Variants in EYS observed in about 807,000 individuals in gnomAD.
The protein encoded by EYS is protein eyes shut homolog.
In EYS, 250 loss-of-function variants were observed where a neutral mutation model predicts 282.1. The observed-to-expected ratio is 0.89, with a 90% CI of 0.80 to 0.98. The LOEUF (loss-of-function observed/expected upper bound fraction) is 0.98, where lower values mean the gene tolerates loss of function less well. EYS is among the 50% of genes least tolerant of loss of function. EYS has a pLI of 0.00. For missense variants in EYS, 4,016 were observed against 3,709.0 expected (o/e 1.08, Z -2.15); for synonymous variants, 1,355 against 1,282.9 (o/e 1.06, Z -1.20).
intron 14 of EYS, among the ~76,000 whole-genome samples, chr6:64,961,639 T>G (rs1026576207): frequency 6.6e-6 from 1 of 152,126 alleles, no homozygotes; most frequent in Non-Finnish European, 1.5e-5. Flanking sequence ...ATCAGTACAA[T>G]GGAATAAGTC....
chr6:65,181,519 C>T (rs1440734984), intron 12 of EYS, among the ~76,000 whole-genome samples: 2 of 152,246 alleles, frequency 1.3e-5, no homozygotes, highest in East Asian at 3.9e-4. Flanking sequence ...TATCATCTCA[C>T]ACCAGTTAGA....
chr6:65,289,509 C>T (rs1180001824), intron 12 of EYS, among the ~76,000 whole-genome samples: 2 of 151,024 alleles, frequency 1.3e-5, no homozygotes, highest in African/African-American at 4.8e-5. Context: ...CAAAATACTG[C>T]TTTCGGAAAA....
At chr6:65,243,732 C>T (rs1164751740) in intron 12 of EYS, among the ~76,000 whole-genome samples, 1 of 151,920 alleles carries the variant, frequency 6.6e-6, no homozygotes. Context: ...AGCGAGACCC[C>T]CATTTCTACA....
intron 1 of EYS, among the ~76,000 whole-genome samples, chr6:65,640,548 T>G (rs930310613): frequency 1.3e-5 from 2 of 152,162 alleles, no homozygotes; most frequent in Admixed American, 1.3e-4. Flanking sequence ...TCATCTTCAT[T>G]CTTGAAGGGT....
chr6:64,841,574 T>C (rs1309833883), intron 19 of EYS, among the ~76,000 whole-genome samples: 3 of 152,148 alleles, frequency 2.0e-5, no homozygotes, highest in Admixed American at 2.0e-4. Flanking sequence ...TGTAAGTATC[T>C]AAATTTCCCA....
chr6:64,777,128 C>T (rs1278556510), intron 22 of EYS, among the ~76,000 whole-genome samples: 1 of 152,118 alleles, frequency 6.6e-6, no homozygotes, highest in East Asian at 1.9e-4. Flanking sequence ...TGGGGGGAAC[C>T]CCCATGATTC....
chr6:65,267,019 G>A (rs960425876), intron 12 of EYS, among the ~76,000 whole-genome samples: 1 of 145,698 alleles, frequency 6.9e-6, no homozygotes, highest in Non-Finnish European at 1.5e-5. Flanking sequence ...GATCACACAT[G>A]TAAAAAATTT....
chr6:64,388,296 G>A (rs1772978716), intron 29 of EYS, among the ~76,000 whole-genome samples: 1 of 152,180 alleles, frequency 6.6e-6, no homozygotes, highest in Non-Finnish European at 1.5e-5. Context: ...ACACAGACTG[G>A]GGATGGTCTT....
chr6:63,905,167 T>G (rs1269513510), intron 35 of EYS, among the ~76,000 whole-genome samples: 1 of 152,210 alleles, frequency 6.6e-6, no homozygotes, highest in Non-Finnish European at 1.5e-5. Flanking sequence ...CTTTTGTGTC[T>G]GTGTCTGGCT....
At chr6:64,840,280 C>A (rs1264760905) in intron 19 of EYS, among the ~76,000 whole-genome samples, 3 of 151,952 alleles carry the variant, frequency 2.0e-5, no homozygotes, top group African/African-American at 7.2e-5. Flanking sequence ...GTAAAGATAA[C>A]TGGTGCCTCA....
At chr6:64,851,698 C>G (rs994445997) in intron 19 of EYS, among the ~76,000 whole-genome samples, 1 of 152,028 alleles carries the variant, frequency 6.6e-6, no homozygotes, top group Admixed American at 6.6e-5. Context: ...AACACAGAAA[C>G]AGAAACCAAA....
chr6:64,834,832 A>G (rs1765333688), intron 19 of EYS, among the ~76,000 whole-genome samples: 1 of 151,806 alleles, frequency 6.6e-6, no homozygotes, highest in African/African-American at 2.4e-5. Flanking sequence ...CACAATTCTT[A>G]GTTGTTAATT....
chr6:64,344,939 C>G (rs554346919), intron 29 of EYS, among the ~76,000 whole-genome samples: 1 of 152,106 alleles, frequency 6.6e-6, no homozygotes, highest in Non-Finnish European at 1.5e-5. Flanking sequence ...TGAGTGAACT[C>G]CCATTCATAA....
chr6:64,587,079 G>A (rs369543940), intron 26 of EYS, among the ~76,000 whole-genome samples: 2 of 152,144 alleles, frequency 1.3e-5, no homozygotes, highest in East Asian at 3.9e-4. Flanking sequence ...GTAATACAGG[G>A]CTAGCAATCA....
At chr6:64,084,273 T>G (rs1389319842) in intron 31 of EYS, among the ~76,000 whole-genome samples, 1 of 152,206 alleles carries the variant, frequency 6.6e-6, no homozygotes, top group Admixed American at 6.5e-5. Flanking sequence ...CTTGCTCTGA[T>G]TTTTCAAACT....
At chr6:64,890,053 C>CCG (rs922247484) in intron 18 of EYS, among the ~76,000 whole-genome samples, 1 of 149,648 alleles carries the variant, frequency 6.7e-6, no homozygotes, top group African/African-American at 2.5e-5. Flanking sequence ...ATGCCCCCCC[C>CCG]CCCCAAGGTG....
At chr6:64,894,294 A>G (rs945058626) in intron 18 of EYS, among the ~76,000 whole-genome samples, 12 of 152,102 alleles carry the variant, frequency 7.9e-5, no homozygotes, top group Admixed American at 6.6e-5. Context: ...GTTAATTACA[A>G]TAGATCTAAG....
intron 22 of EYS, chr6:64,733,183 T>C (rs927561401): frequency 2.0e-5 from 3 of 152,276 alleles, no homozygotes; most frequent in African/African-American, 7.2e-5. Flanking sequence ...GACTAGCTGC[T>C]GGCCTACAGG....
At chr6:65,486,221 A>G (rs934260765) in intron 5 of EYS, among the ~76,000 whole-genome samples, 2 of 152,234 alleles carry the variant, frequency 1.3e-5, no homozygotes, top group African/African-American at 4.8e-5. Context: ...AATAATTTTA[A>G]ATACTTATAG....
Sources: allele counts gnomAD v4.1 joint callset (sites outside exome capture counted in the v4.1 genomes callset), GRCh38; gene constraint gnomAD v4.1.1; transcripts MANE v1.5; gene names NCBI Gene and HGNC (gene_info 2026-07-23, HGNC 2026-07-21).